The following PDE2A variants were observed in gnomAD, a reference collection of about 807,000 sequenced individuals.
The protein encoded by PDE2A is cGMP-dependent 3',5'-cyclic phosphodiesterase.
In PDE2A, 53 loss-of-function variants were observed where a neutral mutation model predicts 133.6. The ratio of observed to expected loss-of-function variants is 0.40; its 90% CI spans 0.32 to 0.50. PDE2A has a LOEUF of 0.50. PDE2A is among the 20% of genes least tolerant of loss of function. The probability of loss-of-function intolerance (pLI) is 0.73; values close to 1 mark genes in which losing one functional copy is unlikely to be tolerated. For missense variants in PDE2A, 796 were observed against 1,232.4 expected (o/e 0.65, Z 5.30); for synonymous variants, 491 against 490.2 (o/e 1.00, Z -0.02).
intron 6 of PDE2A, 99 bp downstream of exon 6, chr11:72,596,474 TCTCTCTCTCTCACACACACA>T (rs1856487438): frequency 8.0e-6 from 2 of 248,592 alleles, no homozygotes; most frequent in East Asian, 6.5e-5. Flanking sequence ...TCTCTCTCTC[TCTCTCTCTCTCACACACACA>T]CACACACACA....
intron 6 of PDE2A, 25 bp from the exon 7 acceptor site, chr11:72,591,381 A>C (rs1856241372): frequency 1.9e-6 from 3 of 1,592,668 alleles, no homozygotes; most frequent in Non-Finnish European, 2.6e-6. Context: ...GAAGGGAACT[A>C]GCTGTGACCT....
chr11:72,603,451 G>C (rs1175597229), intron 4 of PDE2A, among the ~76,000 whole-genome samples: 1 of 152,202 alleles, frequency 6.6e-6, no homozygotes, highest in African/African-American at 2.4e-5. Context: ...GGGAGCATGT[G>C]TGGGTCCTAG....
At chr11:72,596,569 C>T (rs1178309002) in intron 6 of PDE2A, 24 bp downstream of exon 6, 1 of 1,438,448 alleles carries the variant, frequency 7.0e-7, no homozygotes, top group Non-Finnish European at 9.3e-7. Context: ...CTCCCTACAT[C>T]CCACCGCCTA....
chr11:72,639,358 G>A (rs1288542775), intron 2 of PDE2A, among the ~76,000 whole-genome samples: 2 of 152,294 alleles, frequency 1.3e-5, no homozygotes, highest in South Asian at 2.1e-4. Flanking sequence ...GAGAAGGGGC[G>A]AGGGCAGGTG....
chr11:72,636,164 C>T (rs1357359311), intron 2 of PDE2A: 1 of 1,137,150 alleles, frequency 8.8e-7, no homozygotes, highest in African/African-American at 1.6e-5. Flanking sequence ...CTGCCGGCTA[C>T]TCTCAAGGGA....
At chr11:72,631,856 G>A (rs1858403517) in intron 2 of PDE2A, among the ~76,000 whole-genome samples, 1 of 152,212 alleles carries the variant, frequency 6.6e-6, no homozygotes, top group African/African-American at 2.4e-5. Flanking sequence ...CCCAGGGCCT[G>A]GCTGCCAGGC....
chr11:72,580,427 GA>G, intron 25 of PDE2A, 149 bp downstream of exon 25: 1 of 691,182 alleles, frequency 1.4e-6, no homozygotes, highest in Non-Finnish European at 2.6e-6. Context: ...CCCACTCCAG[GA>G]AAATGAGCCA....
chr11:72,671,699 C>T (rs1855389644), intron 1 of PDE2A, among the ~76,000 whole-genome samples: 1 of 152,220 alleles, frequency 6.6e-6, no homozygotes, highest in East Asian at 1.9e-4. Flanking sequence ...AGGTTCCGGG[C>T]AGGGCCTGAA....
chr11:72,631,777 GCTCA>G (rs1390613618), intron 2 of PDE2A, among the ~76,000 whole-genome samples: 1 of 152,146 alleles, frequency 6.6e-6, no homozygotes, highest in Non-Finnish European at 1.5e-5. Flanking sequence ...ACAGAGACCT[GCTCA>G]CTCATTCTCC....
intron 2 of PDE2A, among the ~76,000 whole-genome samples, chr11:72,616,844 C>A (rs1462395223): frequency 6.6e-6 from 1 of 152,226 alleles, no homozygotes; most frequent in Non-Finnish European, 1.5e-5. Flanking sequence ...TGAGTGAGGA[C>A]ACCTCCTCCA....
chr11:72,642,255 T>C lies in PDE2A; in HGVS notation c.143A>G (p.Gln48Arg). 1 of 1,531,562 alleles carries C rather than the reference T, an allele frequency of 6.5e-7. No homozygotes were observed. Among genetic ancestry groups the C allele is most frequent in the South Asian group, 1.2e-5 (1 of 80,258 alleles). 94.9% of individuals were successfully genotyped at this position (1,531,562 alleles called of 1,614,324 possible). The change falls in exon 2 of 31, where the codon CAG becomes CGG. Residue 48 changes from glutamine (Q) to arginine (R), a missense_variant and splice_region_variant. Physicochemically the swap from Gln to Arg is conservative, Grantham distance 43. Coordinates refer to ENST00000334456, the MANE Select transcript of PDE2A (RefSeq NM_002599.5). ...PPPQPCADSLQDALLSLGSVI... is the reference protein window; with the variant it reads ...PPPQPCADSLRDALLSLGSVI... ...TGCCCAGCGCGGGGGCCCCCCTACC[T>C]GCAGGCTGTCGGCGCATGGCTGCGG...
chr11:72,579,303 G>A lies in PDE2A; in HGVS notation c.2337C>T (p.Asp779=). 1.2e-6 allele frequency: 2 copies of A among 1,612,058 alleles called. No homozygotes were observed. The highest frequency in any genetic ancestry group is 2.2e-5 in the South Asian group (2 of 91,062). The change falls in exon 27 of 31, where the codon GAC becomes GAT. Residue 779 remains aspartate, a synonymous_variant. Coordinates refer to ENST00000334456, the MANE Select transcript of PDE2A (RefSeq NM_002599.5). ...DLAHHLRIFK[D]LQKMAEVGYD... ...AGTCACCCTCAGCCATCTTCTGGAG[G>A]TCCTTGAAGATGCGGAGATGGTGGG...
rs1001763668 is a variant in PDE2A at position 72,591,335 on chromosome 11, C to G, written c.511G>C (p.Asp171His). Reference sequence around the variant, plus strand: ...GCCTGCAGGCTCCATTCCTCATTATCACTCAGCTGGCCACAGTGCACCTGG... The same window carrying G: ...GCCTGCAGGCTCCATTCCTCATTATGACTCAGCTGGCCACAGTGCACCTGG... ...VILVHCGQLS[D>H]NEEWSLQAVE... is the part of the protein sequence containing the mutation. The change falls in exon 7 of 31, where the codon GAT (aspartate) becomes CAT (histidine). Residue 171 changes from aspartate to histidine, a missense_variant. Physicochemically the swap from Asp to His is moderately conservative, Grantham distance 81. Around this residue, in one of 7 missense-constraint regions of PDE2A, gnomAD observed 417 missense variants for 475.3 expected, o/e 0.88. Transcript: ENST00000334456. 6.2e-7 allele frequency: 1 copy of G among 1,613,898 alleles called. No individual in the cohort carries two copies. Among genetic ancestry groups the G allele is most frequent in the East Asian group, 2.2e-5 (1 of 44,900 alleles).
chr11:72,666,678 C>T (rs1464036741), intron 1 of PDE2A, among the ~76,000 whole-genome samples: 1 of 152,180 alleles, frequency 6.6e-6, no homozygotes, highest in Non-Finnish European at 1.5e-5. Context: ...CACATTGAGA[C>T]ACAGGCATCT....
In PDE2A at chr11:72,579,520, C is replaced by A; in HGVS notation, c.2256+14G>T. On this transcript the variant is annotated intron_variant, in intron 26 of 30. Coordinates refer to ENST00000334456, the MANE Select transcript of PDE2A (RefSeq NM_002599.5). Reference sequence around the variant, plus strand: ...GCTCCCCCTCAATCCCCACCCCACCCCCAACCCCATCACCTTCCGGGAGAA... The same window carrying A: ...GCTCCCCCTCAATCCCCACCCCACCACCAACCCCATCACCTTCCGGGAGAA... 6.5e-7 allele frequency: 1 copy of A among 1,544,014 alleles called. No individual in the cohort carries two copies. Among genetic ancestry groups the A allele is most frequent in the Non-Finnish European group, 8.9e-7 (1 of 1,121,748 alleles).
At chr11:72,617,659 A>G (rs993627142) in intron 2 of PDE2A, among the ~76,000 whole-genome samples, 1 of 152,214 alleles carries the variant, frequency 6.6e-6, no homozygotes, top group African/African-American at 2.4e-5. Context: ...GGACAGAACA[A>G]GTACCAATTC....
intron 11 of PDE2A, 124 bp from the exon 12 acceptor site, chr11:72,589,364 G>C (rs929351874): frequency 2.7e-6 from 2 of 740,444 alleles, no homozygotes; most frequent in African/African-American, 3.5e-5. Flanking sequence ...TGGTGGACAG[G>C]GTCAGCATTG....
At chr11:72,584,782 G>A in intron 17 of PDE2A, 54 bp from the exon 18 acceptor site, 2 of 1,610,792 alleles carry the variant, frequency 1.2e-6, no homozygotes, top group Non-Finnish European at 1.7e-6. Context: ...CGGCCACAGA[G>A]GGGACTGTTA....
Position 72,589,184 on chromosome 11 carries a change from G to A in PDE2A, c.930C>T (p.Asp310=). 1 of 1,613,538 alleles carries A rather than the reference G, an allele frequency of 6.2e-7. No homozygotes were observed. Among genetic ancestry groups the A allele is most frequent in the Non-Finnish European group, 8.5e-7 (1 of 1,179,604 alleles). The change falls in exon 12 of 31, where the codon GAC becomes GAT. Residue 310 remains aspartate, a synonymous_variant. Transcript: ENST00000334456. ...CCAGGCCATGACTTACGGAGGTGAGGTCCTTCAGCTGGATGGACTTCTTGT... is the reference window on the plus strand; with the variant it reads ...CCAGGCCATGACTTACGGAGGTGAGATCCTTCAGCTGGATGGACTTCTTGT... ...VEDKKSIQLK[D]LTSEDVQQLQ...
Sources: gnomAD v4.1 joint callset for allele counts (sites outside exome capture counted in the v4.1 genomes callset) on GRCh38, gnomAD v4.1.1 for gene constraint, gnomAD v4.1.1 regional missense constraint, MANE v1.5 for transcripts, NCBI Gene and HGNC (gene_info 2026-07-23, HGNC 2026-07-21) for gene names.